The following CLASP2 variants were observed in gnomAD, a reference collection of about 807,000 sequenced individuals.
CLASP2 encodes cytoplasmic linker associated protein 2.
Under a neutral mutation model 194.4 loss-of-function variants are expected in CLASP2, and 47 were observed. The observed-to-expected ratio is 0.24, with a 90% CI of 0.19 to 0.31. CLASP2 has a LOEUF of 0.31. CLASP2 is among the 10% of genes least tolerant of loss of function. The pLI, the probability that CLASP2 is intolerant of heterozygous loss-of-function variation, is 1.00. For synonymous variants in CLASP2, 619 were observed against 633.5 expected, an observed-to-expected ratio of 0.98 and a Z score of 0.34; for missense variants, 1,445 against 1,823.6, an observed-to-expected ratio of 0.79 and a Z score of 3.78.
Position 33,603,125 on chromosome 3 carries a change from A to G in CLASP2, c.1751T>C (p.Val584Ala). 1 of 1,561,152 alleles carries G rather than the reference A, an allele frequency of 6.4e-7. No homozygotes were observed. ...ACTGGCTTTGCTGCTGCCTGCTGAT[A>G]CTACGAAATACAAAGCAAAGATAAC... ...TANPSTVAGR[V>A]SAGSSKASSL... Residue 584 changes from valine to alanine, a missense_variant and splice_region_variant, in exon 18 of 39, where the codon GTA (valine) becomes GCA (alanine). Physicochemically the swap from Val to Ala is moderately conservative, Grantham distance 64 (BLOSUM62 0). Coordinates refer to ENST00000682230, the MANE Select transcript of CLASP2 (RefSeq NM_001365631.1).
chr3:33,609,389 C>T (rs1158069604), intron 13 of CLASP2, among the ~76,000 whole-genome samples: 3 of 152,180 alleles, frequency 2.0e-5, no homozygotes, highest in Admixed American at 6.5e-5. Context: ...AAGAAAGCCA[C>T]AACAATCTGG....
In CLASP2 at chr3:33,594,427, G is replaced by C. The variant is rs558534643; in HGVS notation, c.1966+524C>G. 2.0e-5 allele frequency among the ~76,000 whole-genome samples: 3 copies of C among 152,140 alleles called. No homozygotes were observed. In the East Asian group the frequency reaches 5.8e-4, roughly 29 times the overall value. On this transcript the variant is annotated intron_variant, in intron 20 of 38. Transcript: ENST00000682230. ...TTTTTAAGGTGAACTAGCTCAGTAA[G>C]ATATGTATAGCAATTCTGGTGTAAT...
intron 2 of CLASP2, among the ~76,000 whole-genome samples, chr3:33,695,015 A>T (rs2091724251): frequency 6.6e-6 from 1 of 151,930 alleles, no homozygotes; most frequent in South Asian, 2.1e-4. Context: ...AAGAAACAAA[A>T]CATAAACAAG....
chr3:33,602,552 CT>C, intron 18 of CLASP2: 10 of 763,172 alleles, frequency 1.3e-5, no homozygotes, highest in Non-Finnish European at 2.4e-5. Flanking sequence ...CAGAGTAGAG[CT>C]TTGCAGTTCT....
At chr3:33,672,573 C>T (rs1443456462) in intron 6 of CLASP2, among the ~76,000 whole-genome samples, 1 of 152,204 alleles carries the variant, frequency 6.6e-6, no homozygotes, top group Non-Finnish European at 1.5e-5. Flanking sequence ...TCCTCACCAG[C>T]AACGGAACAA....
intron 9 of CLASP2, among the ~76,000 whole-genome samples, chr3:33,631,340 ACTC>A (rs1483873223): frequency 6.6e-6 from 1 of 152,118 alleles, no homozygotes; most frequent in African/African-American, 2.4e-5. Context: ...ATGAAATTCT[ACTC>A]CTATGTTTAT....
chr3:33,577,256 G>A (rs1421275106), intron 23 of CLASP2: 6 of 1,598,032 alleles, frequency 3.8e-6, no homozygotes, highest in Non-Finnish European at 5.1e-6. Flanking sequence ...CTGGAATGGT[G>A]TCTGGAGGCT....
chr3:33,529,533 T>A (rs1396356564), intron 34 of CLASP2, among the ~76,000 whole-genome samples: 1 of 152,084 alleles, frequency 6.6e-6, no homozygotes, highest in Non-Finnish European at 1.5e-5. Context: ...TGTGAGCCAT[T>A]TTACATTCAT....
intron 2 of CLASP2, 102 bp from the exon 3 acceptor site, chr3:33,690,034 G>T: frequency 1.5e-6 from 1 of 662,040 alleles, no homozygotes. Context: ...CATAAATGAA[G>T]AGTTGTGAGG....
intron 18 of CLASP2, among the ~76,000 whole-genome samples, chr3:33,601,823 G>A (rs2154253529): frequency 1.3e-5 from 2 of 152,190 alleles, no homozygotes; most frequent in South Asian, 4.1e-4. Context: ...TCTGAATGCA[G>A]CTGTGCCAAC....
intron 6 of CLASP2, chr3:33,682,970 A>G (rs572700741): frequency 2.0e-5 from 3 of 152,272 alleles, no homozygotes; most frequent in South Asian, 2.1e-4. Context: ...AGGCTGTATA[A>G]CATTTTGCAA....
intron 28 of CLASP2, among the ~76,000 whole-genome samples, chr3:33,560,229 G>C (rs114073701): frequency 6.6e-6 from 1 of 151,572 alleles, no homozygotes; most frequent in African/African-American, 2.4e-5. Flanking sequence ...ACCTTACTTC[G>C]CTGATACTTC....
intron 33 of CLASP2, among the ~76,000 whole-genome samples, chr3:33,538,324 G>C (rs192933430): frequency 7.4e-4 from 113 of 152,210 alleles, no homozygotes; most frequent in African/African-American, 2.6e-3. Flanking sequence ...CTTTATTTAG[G>C]TTTCAATGCA....
chr3:33,522,773 T>TA (rs1337690058), intron 34 of CLASP2, among the ~76,000 whole-genome samples: 3 of 151,946 alleles, frequency 2.0e-5, no homozygotes, highest in Non-Finnish European at 4.4e-5. Flanking sequence ...GTAACTGAAA[T>TA]AAAAAATCCA....
Position 33,645,056 on chromosome 3 carries a change from T to C in CLASP2, c.716-153A>G, listed in dbSNP as rs982740995. The C allele has an allele frequency of 5.3e-6, 4 of 760,688 alleles. No individual in the cohort carries two copies. In the African/African-American group the frequency reaches 7.0e-5, roughly 13 times the overall value. The allele number at this position is 760,688 out of a possible 1,614,324, so 47.1% of individuals were successfully genotyped here. A position where few individuals can be genotyped will look rare whatever the true frequency, so the allele number is the denominator to read the frequency against. ...GGTCCTTTGAATAAGCATTTATATA[T>C]TGGCTAACACCATATAAAATAATCC... is the stretch of plus-strand genomic sequence containing the variant. On this transcript the variant is annotated intron_variant, in intron 7 of 38. Coordinates refer to ENST00000682230, the MANE Select transcript of CLASP2 (RefSeq NM_001365631.1).
intron 37 of CLASP2, among the ~76,000 whole-genome samples, chr3:33,505,858 A>G (rs866098254): frequency 2.0e-5 from 3 of 152,068 alleles, no homozygotes; most frequent in Non-Finnish European, 2.9e-5. Context: ...GTTGGAGACC[A>G]GCCTAAGCAA....
chr3:33,524,639 G>A (rs2054007924), intron 34 of CLASP2, among the ~76,000 whole-genome samples: 1 of 149,154 alleles, frequency 6.7e-6, no homozygotes, highest in African/African-American at 2.6e-5. Flanking sequence ...CAATGAAAGT[G>A]AGACCCTGTC....
rs186802556 is a variant in CLASP2, at chr3:33,625,684, T to C, written c.1035+1304A>G. ...TAAAATGAAGTTTGTTTTTTTATTT[T>C]TTTTAGAGATAGCGTTTCACTCTGT... On this transcript the variant is annotated intron_variant, in intron 10 of 38. Transcript: ENST00000682230. 1.7e-3 allele frequency among the ~76,000 whole-genome samples: 256 copies of C among 152,202 alleles called. 2 individuals carry two copies. Among genetic ancestry groups the C allele is most frequent in the African/African-American group, 6.1e-3 (253 of 41,542 alleles).
chr3:33,674,034 C>T (rs534098316), intron 6 of CLASP2, among the ~76,000 whole-genome samples: 90 of 152,188 alleles, frequency 5.9e-4, no homozygotes, highest in African/African-American at 2.1e-3. Flanking sequence ...GACAGATCAA[C>T]GAGACAGAAA....
Sources: gnomAD v4.1 joint callset for allele counts (sites outside exome capture counted in the v4.1 genomes callset) on GRCh38, gnomAD v4.1.1 for gene constraint, MANE v1.5 for transcripts, NCBI Gene and HGNC (gene_info 2026-07-23, HGNC 2026-07-21) for gene names.